Variants in ARHGAP11A observed in about 807,000 individuals in gnomAD.
The protein encoded by ARHGAP11A is rho GTPase-activating protein 11A.
In ARHGAP11A, 36 loss-of-function variants were observed where a neutral mutation model predicts 60.5. The observed-to-expected ratio is 0.59, with a 90% CI of 0.46 to 0.79. ARHGAP11A has a LOEUF of 0.79. Among genes scored for constraint, ARHGAP11A ranks in the 30% least tolerant of loss-of-function variants. The pLI is 0.00. For synonymous variants in ARHGAP11A, 362 were observed against 415.5 expected (o/e 0.87, Z 1.57); for missense variants, 1,071 against 1,199.2 (o/e 0.89, Z 1.58).
chr15:32,627,751 A>T (rs926200451), intron 6 of ARHGAP11A, among the ~76,000 whole-genome samples: 6 of 151,518 alleles, frequency 4.0e-5, no homozygotes, highest in African/African-American at 1.5e-4. Flanking sequence ...TAAAAAAAGA[A>T]TCTTCTTGGT....
chr15:32,626,926 C>T (rs199870307), intron 6 of ARHGAP11A, among the ~76,000 whole-genome samples: 6,893 of 152,156 alleles, frequency 0.045, 172 homozygotes, highest in Middle Eastern at 0.078. Flanking sequence ...TCTGTAAAGA[C>T]ACGAATTCCA....
intron 6 of ARHGAP11A, among the ~76,000 whole-genome samples, chr15:32,627,465 C>T (rs4780029): frequency 1 from 151,971 of 152,116 alleles, 75,913 homozygotes; most frequent in Middle Eastern, 1. Flanking sequence ...CGCGATGGCT[C>T]ACGCCTGTAA....
At chr15:32,627,966 C>T (rs201988391) in intron 6 of ARHGAP11A, among the ~76,000 whole-genome samples, 7 of 151,850 alleles carry the variant, frequency 4.6e-5, no homozygotes, top group African/African-American at 9.7e-5. Context: ...CACGCTACCA[C>T]GCCTGGCTAA....
Position 32,636,629 on chromosome 15 carries a change from C to A in ARHGAP11A, c.1856C>A (p.Ser619Ter), listed in dbSNP as rs1222849233. 27 of 1,613,888 alleles carry A rather than the reference C, an allele frequency of 1.7e-5. No individual in the cohort carries two copies. Among genetic ancestry groups the A allele is most frequent in the Non-Finnish European group, 2.3e-5 (27 of 1,179,950 alleles). Residue 619 changes from serine to a stop codon, truncating the protein, a stop_gained, in exon 12 of 12, where the codon TCA becomes TAA. Coordinates refer to ENST00000361627, the MANE Select transcript of ARHGAP11A (RefSeq NM_014783.6). LOFTEE classifies it low-confidence loss of function (END_TRUNC). The stretch of plus-strand genomic sequence containing the variant: ...CACGCATTGATGAATCAGAGGCAGT[C>A]ATCAGTAACTAATGTGGGGAAAGTA... ...NLHALMNQRQ[S>*]SVTNVGKVKL...
In ARHGAP11A at chr15:32,615,505, A is replaced by ACC. The variant is rs1002841172; in HGVS notation, c.-701_-700dup. ...AGCCTGGGCTGAAACTGCGGGTGTG[A>ACC]CCCCCCCGTGGTGGCTCTGGGTGTC... On this transcript the variant is annotated 5_prime_UTR_variant, in exon 1 of 12. Transcript: ENST00000361627. 32 of 151,896 alleles carry ACC rather than the reference A, an allele frequency of 2.1e-4. No homozygotes were observed. The highest frequency in any genetic ancestry group is 7.8e-4 in the African/African-American group (32 of 41,200). The allele number at this position is 151,896 out of a possible 1,614,324, so 9.4% of individuals were successfully genotyped here.
intron 11 of ARHGAP11A, 63 bp downstream of exon 11, chr15:32,635,978 G>A: frequency 6.6e-7 from 1 of 1,504,326 alleles, no homozygotes; most frequent in South Asian, 1.4e-5. Flanking sequence ...CTTTTTTAAT[G>A]GCAAAACATA....
chr15:32,620,251 G>A (rs2053263216), intron 2 of ARHGAP11A, 73 bp downstream of exon 2: 8 of 1,609,390 alleles, frequency 5.0e-6, no homozygotes, highest in South Asian at 4.4e-5. Flanking sequence ...TTGAGAGGCC[G>A]AGGTGGGCAA....
At chr15:32,624,630 A>G (rs1460910319) in intron 4 of ARHGAP11A, among the ~76,000 whole-genome samples, 1 of 152,238 alleles carries the variant, frequency 6.6e-6, no homozygotes, top group Non-Finnish European at 1.5e-5. Flanking sequence ...ATCATCATGA[A>G]TGCCTTAATG....
intron 1 of ARHGAP11A, among the ~76,000 whole-genome samples, chr15:32,618,324 C>G (rs2053211080): frequency 6.6e-6 from 1 of 152,162 alleles, no homozygotes; most frequent in East Asian, 1.9e-4. Context: ...CAGAAGTAGA[C>G]TTACCAGCTT....
intron 3 of ARHGAP11A, 51 bp downstream of exon 3, chr15:32,623,639 T>G: frequency 6.4e-7 from 1 of 1,574,642 alleles, no homozygotes; most frequent in Non-Finnish European, 8.6e-7. Flanking sequence ...TTTTCTGATT[T>G]GGTTTTTAAA....
chr15:32,635,963 A>T (rs2053703029), intron 11 of ARHGAP11A, 48 bp downstream of exon 11: 1 of 1,533,208 alleles, frequency 6.5e-7, no homozygotes, highest in African/African-American at 1.4e-5. Flanking sequence ...ATCCTGCTTT[A>T]GTTGCTTTTT....
intron 8 of ARHGAP11A, 66 bp from the exon 9 acceptor site, chr15:32,632,913 T>G: frequency 7.4e-7 from 1 of 1,351,058 alleles, no homozygotes. Flanking sequence ...ATTGCTGCTA[T>G]TACTATTTTA....
Position 32,633,063 on chromosome 15 carries a change from G to A in ARHGAP11A, c.1190G>A (p.Gly397Asp). The A allele has an allele frequency of 6.2e-7, 1 of 1,614,148 alleles. No homozygotes were observed. The highest frequency in any genetic ancestry group is 8.5e-7 in the Non-Finnish European group (1 of 1,179,996). ...LIGGNHLITA[G>D]VPRRSKRIAG... ...GGTGGAAACCATTTGATCACTGCAG[G>A]TGTGCCAAGGCGAAGTAAAAGAATT... Residue 397 changes from glycine to aspartate, a missense_variant, in exon 9 of 12, where the codon GGT (glycine) becomes GAT (aspartate). This residue lies in a region of ARHGAP11A where 776 missense variants were observed against 760.2 expected (regional missense o/e 1.02). Transcript: ENST00000361627.
chr15:32,631,432 A>T (rs2053581129), intron 8 of ARHGAP11A, among the ~76,000 whole-genome samples: 1 of 151,732 alleles, frequency 6.6e-6, no homozygotes, highest in South Asian at 2.1e-4. Flanking sequence ...GGTAGCTGGG[A>T]TTATAGGTGG....
chr15:32,628,901 A>G, intron 7 of ARHGAP11A, 99 bp downstream of exon 7: 2 of 896,250 alleles, frequency 2.2e-6, no homozygotes, highest in Non-Finnish European at 3.2e-6. Flanking sequence ...AATCAAATTT[A>G]GTTTAATCAA....
At position 32,624,195 on chromosome 15, in the gene ARHGAP11A, G is replaced by A. The variant is rs377005979; in HGVS notation, c.320G>A (p.Gly107Asp). ...ALKNKVDHGE[G>D]CLSSAPPCDI... ...CAGAATAAAGTGGATCATGGTGAAG[G>A]TTGCCTATCTTCTGCACCTCCTTGT... The change falls in exon 4 of 12, where the codon GGT (glycine) becomes GAT (aspartate). Residue 107 changes from glycine to aspartate, a missense_variant. By Grantham distance (94) the Gly-to-Asp change is moderately conservative. This residue lies in a region of ARHGAP11A where 71 missense variants were observed against 142.4 expected (regional missense o/e 0.50). Coordinates refer to ENST00000361627, the MANE Select transcript of ARHGAP11A (RefSeq NM_014783.6). The A allele has an allele frequency of 1.5e-4, 240 of 1,611,382 alleles. No individual in the cohort carries two copies. The highest frequency in any genetic ancestry group is 3.3e-4 in the Admixed American group (20 of 59,846).
chr15:32,629,752 A>C lies in ARHGAP11A; in HGVS notation c.1095A>C (p.Thr365=). Residue 365 remains threonine, a synonymous_variant, in exon 8 of 12, where the codon ACA becomes ACC. Coordinates refer to ENST00000361627, the MANE Select transcript of ARHGAP11A (RefSeq NM_014783.6). ...GTAATCTCTTCAATAGCAGTTCTACACCGGTATCAGGTAGCAAATAGAATT... is the reference window on the plus strand; with the variant it reads ...GTAATCTCTTCAATAGCAGTTCTACCCCGGTATCAGGTAGCAAATAGAATT... ...LPSNLFNSSS[T]PVSVHIDTSS... The C allele has an allele frequency of 6.2e-7, 1 of 1,607,308 alleles. No homozygotes were observed.
chr15:32,638,868 A>C lies in ARHGAP11A; in HGVS notation c.*1023A>C, dbSNP rs908330086. The C allele has an allele frequency of 4.6e-5, 7 of 152,608 alleles. No individual in the cohort carries two copies. The highest frequency in any genetic ancestry group is 1.4e-4 in the African/African-American group (6 of 41,444). The allele number at this position is 152,608 out of a possible 1,614,324, so 9.5% of individuals were successfully genotyped here. On this transcript the variant is annotated 3_prime_UTR_variant, in exon 12 of 12. Transcript: ENST00000361627. ...TTTGGCAATTATTTAAAGAGGGATA[A>C]TCTTGAAAAAAATTAACCAAGGTGA...
In ARHGAP11A at chr15:32,625,228, T is replaced by C. The variant is rs570834827; in HGVS notation, c.700T>C (p.Tyr234His). ...TGCAGTAGTACAGACTCTTATCGAT[T>C]ATGCATCAGATATTGGTAAGATGTA... ...QAAVVQTLID[Y>H]ASDIGRVPDF... Residue 234 changes from tyrosine (Y) to histidine (H), a missense_variant, in exon 5 of 12, where the codon TAT becomes CAT. Transcript: ENST00000361627. The C allele has an allele frequency of 1.2e-6, 2 of 1,608,634 alleles. No homozygotes were observed. Among genetic ancestry groups the C allele is most frequent in the Non-Finnish European group, 1.7e-6 (2 of 1,177,874 alleles).
Sources: allele counts gnomAD v4.1 joint callset (sites outside exome capture counted in the v4.1 genomes callset), GRCh38; gene constraint gnomAD v4.1.1; regional missense constraint gnomAD v4.1.1; transcripts MANE v1.5; gene names NCBI Gene and HGNC (gene_info 2026-07-23, HGNC 2026-07-21).